SOX5: variants seen among roughly 807,000 people sequenced by gnomAD.
SOX5 encodes transcription factor SOX-5.
SOX5 carries 9 observed loss-of-function variants against 92.0 expected under a neutral mutation model. That is an observed-to-expected ratio of 0.10 (90% CI 0.06 to 0.17). The LOEUF is 0.17. SOX5 is among the 10% of genes least tolerant of loss of function. The pLI is 1.00. For missense variants in SOX5, 642 were observed against 944.5 expected (o/e 0.68, Z 4.20); for synonymous variants, 344 against 336.3 (o/e 1.02, Z -0.25).
At chr12:23,897,835 A>C (rs912407749) in intron 1 of SOX5, among the ~76,000 whole-genome samples, 1 of 152,186 alleles carries the variant, frequency 6.6e-6, no homozygotes, top group Non-Finnish European at 1.5e-5. Context: ...AAAGAGGAGG[A>C]AATAGGGGCA....
intron 7 of SOX5, among the ~76,000 whole-genome samples, chr12:23,654,573 A>G (rs1397374844): frequency 1.3e-5 from 2 of 152,090 alleles, no homozygotes; most frequent in Non-Finnish European, 1.5e-5. Context: ...CCTTATGGCA[A>G]TAAGTTCAGC....
At chr12:24,474,142 T>C (rs938185906) in intron 1 of SOX5, among the ~76,000 whole-genome samples, 3 of 152,152 alleles carry the variant, frequency 2.0e-5, no homozygotes, top group African/African-American at 7.2e-5. Context: ...TAAGAGAAAG[T>C]TATCTGTTCT....
At chr12:23,586,684 A>T in intron 9 of SOX5, among the ~76,000 whole-genome samples, 1 of 151,494 alleles carries the variant, frequency 6.6e-6, no homozygotes, top group African/African-American at 2.4e-5. Context: ...TTACAAAAAT[A>T]TATCAAGGGC....
chr12:24,241,115 C>T (rs1965480366), intron 3 of SOX5, among the ~76,000 whole-genome samples: 1 of 151,982 alleles, frequency 6.6e-6, no homozygotes, highest in South Asian at 2.1e-4. Context: ...ACATTCTTCT[C>T]AAGAATTTAA....
At chr12:24,202,255 A>G (rs1957593193) in intron 4 of SOX5, among the ~76,000 whole-genome samples, 1 of 152,228 alleles carries the variant, frequency 6.6e-6, no homozygotes, top group South Asian at 2.1e-4. Context: ...TATTGAAGTC[A>G]TCCTTTTATA....
intron 3 of SOX5, among the ~76,000 whole-genome samples, chr12:23,804,212 A>C (rs1363238655): frequency 6.6e-6 from 1 of 152,174 alleles, no homozygotes; most frequent in Non-Finnish European, 1.5e-5. Context: ...GTAAAATACA[A>C]ATTCTATAAA....
chr12:24,455,307 T>C (rs1185053001), intron 1 of SOX5, among the ~76,000 whole-genome samples: 1 of 152,188 alleles, frequency 6.6e-6, no homozygotes, highest in African/African-American at 2.4e-5. Context: ...ACAGAATCTT[T>C]TCTTAAAGTT....
intron 1 of SOX5, among the ~76,000 whole-genome samples, chr12:24,466,619 C>T (rs1056563194): frequency 3.3e-5 from 5 of 152,136 alleles, no homozygotes; most frequent in Admixed American, 6.5e-5. Flanking sequence ...CCAATATGGC[C>T]AGATGTTTCC....
chr12:24,388,086 T>C (rs1958609507), intron 1 of SOX5, among the ~76,000 whole-genome samples: 1 of 152,212 alleles, frequency 6.6e-6, no homozygotes, highest in Non-Finnish European at 1.5e-5. Flanking sequence ...AGTAATTCAA[T>C]CCTTCACTTA....
intron 1 of SOX5, among the ~76,000 whole-genome samples, chr12:23,907,655 T>C (rs147968534): frequency 2.0e-5 from 3 of 152,128 alleles, no homozygotes; most frequent in Non-Finnish European, 2.9e-5. Context: ...TGTAATAATC[T>C]GTAAAAACAG....
chr12:23,677,227 T>A (rs2085853343), intron 6 of SOX5, among the ~76,000 whole-genome samples: 1 of 152,156 alleles, frequency 6.6e-6, no homozygotes, highest in African/African-American at 2.4e-5. Flanking sequence ...AGTTTCAGCC[T>A]TGACGATGCC....
chr12:24,122,239 TG>T (rs1258827571), intron 4 of SOX5, among the ~76,000 whole-genome samples: 8 of 152,160 alleles, frequency 5.3e-5, no homozygotes, highest in Non-Finnish European at 8.8e-5. Context: ...AGATGAAACG[TG>T]GCCTTATCAG....
chr12:23,977,663 C>CAAAAAA (rs11287193), intron 4 of SOX5, among the ~76,000 whole-genome samples: 5 of 129,550 alleles, frequency 3.9e-5, no homozygotes, highest in Admixed American at 1.5e-4. Flanking sequence ...CGTTCTGTCT[C>CAAAAAA]AAAAAAAAAA....
chr12:23,979,698 G>GTTTTTTGTTTTT (rs1949313274), intron 4 of SOX5, among the ~76,000 whole-genome samples: 1 of 64,692 alleles, frequency 1.5e-5, no homozygotes, highest in Non-Finnish European at 2.7e-5. Flanking sequence ...ATATATATAT[G>GTTTTTTGTTTTT]TTTTTTTTGT....
At chr12:24,451,308 T>C (rs1942266509) in intron 1 of SOX5, among the ~76,000 whole-genome samples, 1 of 152,226 alleles carries the variant, frequency 6.6e-6, no homozygotes, top group Non-Finnish European at 1.5e-5. Flanking sequence ...TATGGATATA[T>C]ACCCAGCAGT....
chr12:23,566,907 T>C (rs541833830), intron 10 of SOX5, among the ~76,000 whole-genome samples: 20 of 152,320 alleles, frequency 1.3e-4, no homozygotes, highest in Admixed American at 1.2e-3. Context: ...TAATGCTCAA[T>C]CTAAGTTTTC....
At chr12:23,745,745 C>T (rs2093960933) in intron 4 of SOX5, among the ~76,000 whole-genome samples, 1 of 151,806 alleles carries the variant, frequency 6.6e-6, no homozygotes, top group African/African-American at 2.4e-5. Flanking sequence ...CATTTGTTCT[C>T]TTCTTTGGGA....
At chr12:24,417,304 C>A (rs1478974556) in intron 1 of SOX5, among the ~76,000 whole-genome samples, 2 of 152,142 alleles carry the variant, frequency 1.3e-5, no homozygotes, top group South Asian at 2.1e-4. Flanking sequence ...TTTTGTCTAA[C>A]CTAGCACATG....
chr12:24,560,657 TAGAC>T (rs1279719756), intron 1 of SOX5, among the ~76,000 whole-genome samples: 1 of 152,238 alleles, frequency 6.6e-6, no homozygotes, highest in Non-Finnish European at 1.5e-5. Flanking sequence ...CCTTTAAAAT[TAGAC>T]AGATCAAAAT....
Sources: allele counts gnomAD v4.1 joint callset (sites outside exome capture counted in the v4.1 genomes callset), GRCh38; gene constraint gnomAD v4.1.1; transcripts MANE v1.5; gene names NCBI Gene and HGNC (gene_info 2026-07-23, HGNC 2026-07-21).